The following PDE8B variants were observed in gnomAD, a reference collection of about 807,000 sequenced individuals.
PDE8B encodes high affinity cAMP-specific and IBMX-insensitive 3',5'-cyclic phosphodiesterase 8B.
Under a neutral mutation model 101.3 loss-of-function variants are expected in PDE8B, and 26 were observed. That is an observed-to-expected ratio of 0.26 (90% CI 0.19 to 0.36). The LOEUF (loss-of-function observed/expected upper bound fraction) is 0.36, where lower values mean the gene tolerates loss of function less well. Ranked by LOEUF, PDE8B falls within the 10% of genes least tolerant of loss-of-function variation. The pLI, the probability that PDE8B is intolerant of heterozygous loss-of-function variation, is 1.00. For synonymous variants in PDE8B, 424 were observed against 429.3 expected (o/e 0.99, Z 0.15); for missense variants, 810 against 1,163.1 (o/e 0.70, Z 4.42).
rs1436681906 is a variant in PDE8B, at chr5:77,404,726, A to G, written c.1217A>G (p.His406Arg). 6.3e-7 allele frequency: 1 copy of G among 1,585,796 alleles called. No homozygotes were observed. The change falls in exon 12 of 22, where the codon CAT becomes CGT. Residue 406 changes from histidine to arginine, a missense_variant. Around this residue, in one of 4 missense-constraint regions of PDE8B, gnomAD observed 75 missense variants for 76.9 expected, o/e 0.98. Coordinates refer to ENST00000264917, the MANE Select transcript of PDE8B (RefSeq NM_003719.5). ...TCTAATCTGAAATCCTTAGAGCCTC[A>G]TTCATTCAGATATAAGAACAGGAGG... ...DSGDNSQTEP[H>R]SFRYKNRRKE...
the PDE8B span, among the ~76,000 whole-genome samples, chr5:77,181,466 T>TGCA: frequency 6.6e-6 from 1 of 152,284 alleles, no homozygotes; most frequent in East Asian, 1.9e-4. Context: ...AGGTGAGGCT[T>TGCA]GCAGCAGCCT....
At chr5:77,127,380 G>A in the PDE8B span, among the ~76,000 whole-genome samples, 2 of 151,990 alleles carry the variant, frequency 1.3e-5, no homozygotes, top group Admixed American at 6.5e-5. Context: ...TCTCACTCCC[G>A]CCACCCTGTG....
intron 1 of PDE8B, among the ~76,000 whole-genome samples, chr5:77,278,331 T>C (rs1764237887): frequency 6.6e-6 from 1 of 152,228 alleles, no homozygotes; most frequent in Non-Finnish European, 1.5e-5. Flanking sequence ...TAGGCCTTAC[T>C]GATAGCCTTG....
chr5:77,388,700 C>G (rs2150893430), intron 10 of PDE8B, among the ~76,000 whole-genome samples: 2 of 152,294 alleles, frequency 1.3e-5, no homozygotes, highest in East Asian at 3.9e-4. Flanking sequence ...TGCTCTGTCC[C>G]AGGGAGATGG....
chr5:77,405,625 C>A (rs1338962766), intron 12 of PDE8B, among the ~76,000 whole-genome samples: 1 of 151,970 alleles, frequency 6.6e-6, no homozygotes, highest in Non-Finnish European at 1.5e-5. Context: ...AGCCTGAAGG[C>A]ATAGTCTCAG....
At chr5:77,396,773 ATCTT>A (rs1278289008) in intron 10 of PDE8B, among the ~76,000 whole-genome samples, 3 of 152,134 alleles carry the variant, frequency 2.0e-5, no homozygotes, top group African/African-American at 4.8e-5. Context: ...ATCAAAACAC[ATCTT>A]TCTTTCTTCA....
the PDE8B span, among the ~76,000 whole-genome samples, chr5:77,197,059 T>C: frequency 6.6e-6 from 1 of 152,030 alleles, no homozygotes; most frequent in Non-Finnish European, 1.5e-5. Context: ...TCTTTGTTTA[T>C]TGAGCAGTCT....
intron 1 of PDE8B, among the ~76,000 whole-genome samples, chr5:77,271,923 T>C (rs898923986): frequency 6.6e-6 from 1 of 152,234 alleles, no homozygotes; most frequent in Non-Finnish European, 1.5e-5. Context: ...CAGAATCTGC[T>C]CTACCAGAGT....
chr5:77,091,673 AAAAG>A, the PDE8B span, among the ~76,000 whole-genome samples: 10 of 148,726 alleles, frequency 6.7e-5, no homozygotes, highest in African/African-American at 2.4e-4. Context: ...AAATAAATAA[AAAAG>A]AAAAGTAACT....
chr5:77,363,708 T>C (rs2150578981), intron 10 of PDE8B, among the ~76,000 whole-genome samples: 1 of 130,822 alleles, frequency 7.6e-6, no homozygotes, highest in Admixed American at 8.0e-5. Context: ...CAAGACTCCA[T>C]CGCAGAAAAA....
chr5:77,197,654 CTTCT>C, the PDE8B span, among the ~76,000 whole-genome samples: 1 of 150,018 alleles, frequency 6.7e-6, no homozygotes, highest in Non-Finnish European at 1.5e-5. Flanking sequence ...TCTCTCTTTT[CTTCT>C]TTATTAGTCT....
chr5:77,362,947 G>C (rs1783402842), intron 10 of PDE8B, among the ~76,000 whole-genome samples: 1 of 152,174 alleles, frequency 6.6e-6, no homozygotes, highest in African/African-American at 2.4e-5. Flanking sequence ...AGCCTGACCA[G>C]ACCCTCCAGG....
At chr5:77,209,706 C>T (rs190329605), upstream of PDE8B, among the ~76,000 whole-genome samples, 454 of 152,248 alleles carry the variant, frequency 3.0e-3, 3 homozygotes, top group African/African-American at 0.01. Context: ...GACTGCCCAG[C>T]CCAGAGTGTG....
chr5:77,271,029 G>T (rs1021098406), intron 1 of PDE8B, among the ~76,000 whole-genome samples: 1 of 152,170 alleles, frequency 6.6e-6, no homozygotes, highest in Admixed American at 6.5e-5. Context: ...GCATTGTGGG[G>T]GACACTGGCT....
chr5:77,351,807 G>C (rs934779425), intron 9 of PDE8B, among the ~76,000 whole-genome samples: 2 of 152,060 alleles, frequency 1.3e-5, no homozygotes, highest in Non-Finnish European at 2.9e-5. Context: ...TCAACACCAG[G>C]TTCATAGCTT....
chr5:77,212,388 G>A (rs1376287995), intron 1 of PDE8B, among the ~76,000 whole-genome samples: 1 of 152,182 alleles, frequency 6.6e-6, no homozygotes, highest in African/African-American at 2.4e-5. Flanking sequence ...GTGGAGGAGT[G>A]AGGAGAAGGA....
At position 77,349,452 on chromosome 5, in the gene PDE8B, T is replaced by C; in HGVS notation, c.910T>C (p.Tyr304His). The change falls in exon 8 of 22, where the codon TAC becomes CAC. Residue 304 changes from tyrosine (Y) to histidine (H), a missense_variant. Coordinates refer to ENST00000264917, the MANE Select transcript of PDE8B (RefSeq NM_003719.5). ...CCCAGCCTTCGAAAGGATGATGGGCTACCACAAAGGTGAGCTCCTGGGAAA... is the reference window on the plus strand; with the variant it reads ...CCCAGCCTTCGAAAGGATGATGGGCCACCACAAAGGTGAGCTCCTGGGAAA... Reference protein sequence around the residue: ...VNPAFERMMGYHKGELLGKEL... With the variant: ...VNPAFERMMGHHKGELLGKEL... 6.2e-7 allele frequency: 1 copy of C among 1,614,160 alleles called. No individual in the cohort carries two copies. The highest frequency in any genetic ancestry group is 1.7e-5 in the Admixed American group (1 of 60,020).
At chr5:77,232,652 G>C (rs1175051170) in intron 1 of PDE8B, among the ~76,000 whole-genome samples, 1 of 152,184 alleles carries the variant, frequency 6.6e-6, no homozygotes, top group East Asian at 1.9e-4. Context: ...CCTGTTTTCT[G>C]TGTCATCATG....
chr5:77,172,184 A>G, the PDE8B span, among the ~76,000 whole-genome samples: 1 of 152,164 alleles, frequency 6.6e-6, no homozygotes, highest in Non-Finnish European at 1.5e-5. Flanking sequence ...TAATAACTCA[A>G]CTAGATTGCA....
Sources: gnomAD v4.1 joint callset for allele counts (sites outside exome capture counted in the v4.1 genomes callset) on GRCh38, gnomAD v4.1.1 for gene constraint, gnomAD v4.1.1 regional missense constraint, MANE v1.5 for transcripts, NCBI Gene and HGNC (gene_info 2026-07-23, HGNC 2026-07-21) for gene names.